The following MAMLD1 variants were observed in gnomAD, a reference collection of about 807,000 sequenced individuals.
MAMLD1 encodes the protein mastermind-like domain-containing protein 1.
A neutral mutation model predicts 45.0 loss-of-function variants in MAMLD1; 14 were observed. That is an observed-to-expected ratio of 0.31 (90% CI 0.21 to 0.49). The LOEUF (loss-of-function observed/expected upper bound fraction) is 0.49, where lower values mean the gene tolerates loss of function less well. Ranked by LOEUF, MAMLD1 falls within the 20% of genes least tolerant of loss-of-function variation. The pLI is 0.99. For synonymous variants in MAMLD1, 254 were observed against 247.8 expected, an observed-to-expected ratio of 1.02 and a Z score of -0.24; for missense variants, 543 against 603.6, an observed-to-expected ratio of 0.90 and a Z score of 1.05.
intron 1 of MAMLD1, among the ~76,000 whole-genome samples, chrX:150,440,654 C>T (rs2035269805): frequency 9.2e-6 from 1 of 108,735 alleles, no homozygotes; most frequent in South Asian, 3.7e-4. Flanking sequence ...GTAGTAGTCC[C>T]TTATTATCCT....
chrX:150,408,784 G>A (rs1274809402), intron 1 of MAMLD1, among the ~76,000 whole-genome samples: 1 of 112,067 alleles, frequency 8.9e-6, no homozygotes, highest in African/African-American at 3.2e-5. Flanking sequence ...CTGAGTGGTG[G>A]TTTGCTCAAT....
At chrX:150,482,008 G>GAAAT (rs1339763912) in intron 5 of MAMLD1, among the ~76,000 whole-genome samples, 3 of 106,767 alleles carry the variant, frequency 2.8e-5, no homozygotes, top group Non-Finnish European at 3.9e-5. Flanking sequence ...AAGAAAGAAA[G>GAAAT]AAAGAAAGAA....
intron 2 of MAMLD1, among the ~76,000 whole-genome samples, chrX:150,455,586 C>T (rs1445191604): frequency 9.0e-6 from 1 of 111,475 alleles, no homozygotes; most frequent in Non-Finnish European, 1.9e-5. Flanking sequence ...GAAGGCTTTA[C>T]TTTCCCCATT....
chrX:150,472,645 T>C (rs2036464590), intron 4 of MAMLD1, among the ~76,000 whole-genome samples: 1 of 112,128 alleles, frequency 8.9e-6, no homozygotes, highest in African/African-American at 3.2e-5. Flanking sequence ...TGAGAGAGTG[T>C]GCCAGTGAAG....
chrX:150,370,692 C>A (rs180900712), intron 1 of MAMLD1, among the ~76,000 whole-genome samples: 2 of 111,571 alleles, frequency 1.8e-5, no homozygotes, highest in African/African-American at 6.5e-5. Context: ...CTGCCTCCAC[C>A]CCCCCAGCTC....
At chrX:150,414,787 C>T (rs2034209531) in intron 1 of MAMLD1, among the ~76,000 whole-genome samples, 1 of 111,641 alleles carries the variant, frequency 9.0e-6, no homozygotes, top group African/African-American at 3.3e-5. Flanking sequence ...TATAATTCAG[C>T]GGTGAGCTGG....
At chrX:150,466,344 G>A (rs1217389708) in intron 3 of MAMLD1, among the ~76,000 whole-genome samples, 2 of 112,611 alleles carry the variant, frequency 1.8e-5, no homozygotes, top group Admixed American at 1.9e-4. Flanking sequence ...CAGGCTCACT[G>A]TTGAAAGCTC....
chrX:150,470,863 C>T lies in MAMLD1; in HGVS notation c.1290C>T (p.Asn430=), dbSNP rs1222212756. Residue 430 remains asparagine (N), a synonymous_variant, in exon 4 of 8, where the codon AAC becomes AAT. Transcript: ENST00000370401. ...QFGPQSSILA[N]LMSSTIKTPQ... is the part of the protein sequence containing the mutation. ...GCCCTCAGAGCTCCATTCTTGCCAA[C>T]CTCATGTCCTCTACCATCAAAACCC... 1.7e-6 allele frequency: 2 copies of T among 1,211,711 alleles called. No individual in the cohort carries two copies. Among genetic ancestry groups the T allele is most frequent in the South Asian group, 3.5e-5 (2 of 57,020 alleles).
At chrX:150,376,138 G>T (rs2032307330) in intron 1 of MAMLD1, among the ~76,000 whole-genome samples, 1 of 111,808 alleles carries the variant, frequency 8.9e-6, no homozygotes, top group African/African-American at 3.3e-5. Flanking sequence ...CATCCAAAGG[G>T]CTCCTCCAGC....
Position 150,470,017 on chromosome X carries a change from A to G in MAMLD1, c.444A>G (p.Pro148=), listed in dbSNP as rs2036363886. The change falls in exon 4 of 8, where the codon CCA becomes CCG. Residue 148 remains proline (P), a synonymous_variant. Coordinates refer to ENST00000370401, the MANE Select transcript of MAMLD1 (RefSeq NM_005491.5). ...TCATGGGCTCACCATTTGTAGTACC[A>G]CAGACTACAGAAGTGGGACTGAAAG... ...GNIMGSPFVV[P]QTTEVGLKGP... is the part of the protein sequence containing the mutation. The G allele has an allele frequency of 8.3e-7, 1 of 1,211,516 alleles. No homozygotes were observed. The highest frequency in any genetic ancestry group is 1.1e-6 in the Non-Finnish European group (1 of 895,383).
Position 150,502,738 on chromosome X carries a change from C to A in MAMLD1, c.2041-536C>A, listed in dbSNP as rs186391886. 2.1e-4 allele frequency among the ~76,000 whole-genome samples: 22 copies of A among 104,832 alleles called. No individual in the cohort carries two copies. In the Admixed American group the frequency reaches 2.3e-3, roughly 11 times the overall value. 91.0% of individuals were successfully genotyped at this position (104,832 alleles called of 115,157 possible). ...CGTGACTGTTTGGTTTTGCACTCAC[C>A]ATTTGGTTTTGCAGATTCCTCAGCG... On this transcript the variant is annotated intron_variant, in intron 5 of 7. Coordinates refer to ENST00000370401, the MANE Select transcript of MAMLD1 (RefSeq NM_005491.5).
intron 1 of MAMLD1, among the ~76,000 whole-genome samples, chrX:150,368,801 T>C (rs1274256283): frequency 1.8e-5 from 2 of 112,140 alleles, no homozygotes; most frequent in African/African-American, 6.5e-5. Flanking sequence ...TTTCCCAGCA[T>C]CTTTTATTAA....
chrX:150,401,909 C>CAA (rs1313067928), intron 1 of MAMLD1, among the ~76,000 whole-genome samples: 2 of 110,112 alleles, frequency 1.8e-5, no homozygotes, highest in East Asian at 2.8e-4. Context: ...ACACCTTATA[C>CAA]AAAAATCAAT....
chrX:150,445,454 C>A lies in MAMLD1; in HGVS notation c.-63C>A. The A allele has an allele frequency of 3.7e-6, 3 of 820,563 alleles. No homozygotes were observed. The highest frequency in any genetic ancestry group is 5.5e-6 in the Non-Finnish European group (3 of 540,708). The allele number at this position is 820,563 out of a possible 1,213,427, so 67.6% of individuals were successfully genotyped here. ...ACAGTGTACTTTTTGTCTCCCTAAG[C>A]CCTGTGTCTAGGTCGTTTGGGAAAC... On this transcript the variant is annotated splice_region_variant and 5_prime_UTR_variant, in exon 2 of 8. Transcript: ENST00000370401.
chrX:150,513,935 T>C lies in MAMLD1; in HGVS notation c.*1976T>C. On this transcript the variant is annotated 3_prime_UTR_variant, in exon 8 of 8. Coordinates refer to ENST00000370401, the MANE Select transcript of MAMLD1 (RefSeq NM_005491.5). Reference sequence around the variant, plus strand: ...GTTTGGGGGGGAACATCTGTAAACATTATTAGTTGATTTGGGGTTTGTCTT... The same window carrying C: ...GTTTGGGGGGGAACATCTGTAAACACTATTAGTTGATTTGGGGTTTGTCTT... The C allele has an allele frequency of 3.4e-6, 1 of 296,992 alleles. No individual in the cohort carries two copies. The highest frequency in any genetic ancestry group is 4.8e-5 in the East Asian group (1 of 21,037). The allele number at this position is 296,992 out of a possible 1,213,427, so 24.5% of individuals were successfully genotyped here. A position where few individuals can be genotyped will look rare whatever the true frequency, so the allele number is the denominator to read the frequency against.
At chrX:150,438,139 T>G (rs2035181493) in intron 1 of MAMLD1, among the ~76,000 whole-genome samples, 1 of 112,268 alleles carries the variant, frequency 8.9e-6, no homozygotes, top group Non-Finnish European at 1.9e-5. Context: ...TTATGAATAG[T>G]GCTACCACAA....
chrX:150,464,728 G>A lies in MAMLD1; in HGVS notation c.171+1882G>A, dbSNP rs1440770161. Among the ~76,000 whole-genome samples the A allele has an allele frequency of 2.7e-5, 3 of 111,360 alleles. No individual in the cohort carries two copies. The Admixed American group carries it at 2.9e-4, about 11-fold the overall frequency. ...TACAGCTACCTCCATCATGCCCCACGACATCTTCATTACTTTCTTCTGAGA... is the reference window on the plus strand; with the variant it reads ...TACAGCTACCTCCATCATGCCCCACAACATCTTCATTACTTTCTTCTGAGA... On this transcript the variant is annotated intron_variant, in intron 3 of 7. Transcript: ENST00000370401.
At chrX:150,403,996 G>GAAAGA (rs1244362021) in intron 1 of MAMLD1, among the ~76,000 whole-genome samples, 6 of 73,871 alleles carry the variant, frequency 8.1e-5, no homozygotes, top group Admixed American at 2.7e-4. Context: ...AAGAAAGAAA[G>GAAAGA]AAGAAAGGAA....
chrX:150,478,415 A>G (rs959125698), intron 5 of MAMLD1, among the ~76,000 whole-genome samples: 2 of 112,385 alleles, frequency 1.8e-5, no homozygotes, highest in Non-Finnish European at 3.7e-5. Flanking sequence ...AGGGCCTGTC[A>G]CCTTGGACTT....
Sources: gnomAD v4.1 joint callset for allele counts (sites outside exome capture counted in the v4.1 genomes callset) on GRCh38, gnomAD v4.1.1 for gene constraint, MANE v1.5 for transcripts, NCBI Gene and HGNC (gene_info 2026-07-23, HGNC 2026-07-21) for gene names.